MYO18B: variants seen among roughly 807,000 people sequenced by gnomAD.
The protein encoded by MYO18B is myosin XVIIIB, also known as unconventional myosin-XVIIIb.
Under a neutral mutation model 273.0 loss-of-function variants are expected in MYO18B, and 204 were observed. The ratio of observed to expected loss-of-function variants is 0.75; its 90% CI spans 0.67 to 0.84. The LOEUF (loss-of-function observed/expected upper bound fraction) is 0.84. Among genes scored for constraint, MYO18B ranks in the 40% least tolerant of loss-of-function variants. The pLI is 0.00. For missense variants in MYO18B, 3,212 were observed against 3,287.6 expected (o/e 0.98, Z 0.56); for synonymous variants, 1,330 against 1,305.7 (o/e 1.02, Z -0.40).
At position 25,780,623 on chromosome 22, in the gene MYO18B, A is replaced by G. The variant is rs563118901; in HGVS notation, c.2211+425A>G. Among the ~76,000 whole-genome samples, 908 of 143,548 alleles carry G rather than the reference A, an allele frequency of 6.3e-3. 13 individuals carry two copies. Among genetic ancestry groups the G allele is most frequent in the African/African-American group, 0.019 (733 of 38,450 alleles). The allele number at this position is 143,548 out of a possible 152,430, so 94.2% of individuals were successfully genotyped here. The stretch of plus-strand genomic sequence containing the variant: ...AAAAAAAAAAAAAAAAAAAAAAAAA[A>G]AAAGAAAGAAAGAAAATAGTAATAA... On this transcript the variant is annotated intron_variant, in intron 9 of 43. Coordinates refer to ENST00000335473, the MANE Select transcript of MYO18B (RefSeq NM_032608.7).
chr22:26,010,095 C>A (rs565113115), intron 42 of MYO18B, among the ~76,000 whole-genome samples: 27 of 152,030 alleles, frequency 1.8e-4, no homozygotes, highest in African/African-American at 6.5e-4. Context: ...GGTTATCATT[C>A]CCCTCTCTCA....
At chr22:25,987,942 T>A (rs1460543674) in intron 39 of MYO18B, among the ~76,000 whole-genome samples, 2 of 152,254 alleles carry the variant, frequency 1.3e-5, no homozygotes, top group East Asian at 3.9e-4. Context: ...ATCCTAATTA[T>A]CCCCCACCTC....
At chr22:25,828,321 G>A (rs1258624482) in intron 14 of MYO18B, among the ~76,000 whole-genome samples, 2 of 152,304 alleles carry the variant, frequency 1.3e-5, no homozygotes, top group East Asian at 3.9e-4. Context: ...ATTTTGATGT[G>A]AATAATCCCT....
rs60707981 is a variant in MYO18B, at chr22:25,815,874, G to A, written c.2522-7631G>A. On this transcript the variant is annotated intron_variant, in intron 12 of 43. Transcript: ENST00000335473. The stretch of plus-strand genomic sequence containing the variant: ...CCCAAACACCTGCTCATAGTCCCCA[G>A]AACACTGGGAATGGTTTGTGTGCTG... Among the ~76,000 whole-genome samples, 16 of 152,330 alleles carry A rather than the reference G, an allele frequency of 1.1e-4. No homozygotes were observed. In the East Asian group the frequency reaches 2.9e-3, roughly 28 times the overall value.
intron 10 of MYO18B, among the ~76,000 whole-genome samples, chr22:25,785,167 C>G (rs1209472853): frequency 6.6e-6 from 1 of 152,192 alleles, no homozygotes. Context: ...GGGTTAGTCC[C>G]TGCTCTCCTG....
chr22:25,897,988 G>C (rs2091847500), intron 28 of MYO18B: 1 of 243,772 alleles, frequency 4.1e-6, no homozygotes, highest in East Asian at 9.2e-5. Flanking sequence ...TGAGTTATCC[G>C]GTGGCTCAGG....
At chr22:25,801,568 GGC>G (rs2088196166) in intron 12 of MYO18B, among the ~76,000 whole-genome samples, 1 of 152,204 alleles carries the variant, frequency 6.6e-6, no homozygotes, top group African/African-American at 2.4e-5. Context: ...CTTGGCTCCT[GGC>G]GGGGTGTTTC....
intron 33 of MYO18B, among the ~76,000 whole-genome samples, chr22:25,913,657 C>T (rs529145069): frequency 4.6e-5 from 7 of 152,280 alleles, no homozygotes; most frequent in Non-Finnish European, 8.8e-5. Flanking sequence ...CGTGAGCCAT[C>T]GTGCCTGGCC....
At position 25,947,942 on chromosome 22, in the gene MYO18B, T is replaced by G. The variant is rs544160073; in HGVS notation, c.5748+114T>G. ...CCCTGGTCTTAACATCTTGGAGGGA[T>G]AAGTGCACAGAGATAGTTAGGAATT... On this transcript the variant is annotated intron_variant, in intron 36 of 43. Transcript: ENST00000335473. 99 of 734,212 alleles carry G rather than the reference T, an allele frequency of 1.3e-4. No homozygotes were observed. The African/African-American group carries it at 1.6e-3, about 12-fold the overall frequency. 45.5% of individuals were successfully genotyped at this position (734,212 alleles called of 1,614,324 possible).
the MYO18B span, among the ~76,000 whole-genome samples, chr22:26,042,020 T>C: frequency 2.0e-5 from 3 of 152,162 alleles, no homozygotes; most frequent in African/African-American, 7.2e-5. Flanking sequence ...TCATCACGGC[T>C]CCACCCTAAG....
Position 25,770,928 on chromosome 22 carries a change from CTT to C in MYO18B, c.1638_1639del (p.Trp547AspfsTer2). 1 of 1,552,264 alleles carries C rather than the reference CTT, an allele frequency of 6.4e-7. No individual in the cohort carries two copies. Among genetic ancestry groups the C allele is most frequent in the Non-Finnish European group, 8.7e-7 (1 of 1,147,222 alleles). ...AGACCTGCCAGCAGGAAGGGTGAGA[CTT>C]TGGATTGATGCTGACAAAACCATCA... is the stretch of plus-strand genomic sequence containing the variant. The part of the protein sequence containing the change: ...TADLPAGRVR[L>X]WIDADKTITE... On this transcript the variant is annotated frameshift_variant, in exon 6 of 44. Coordinates refer to ENST00000335473, the MANE Select transcript of MYO18B (RefSeq NM_032608.7). LOFTEE classifies it high-confidence loss of function.
chr22:25,755,458 G>C (rs573109488), intron 1 of MYO18B, among the ~76,000 whole-genome samples: 1 of 152,032 alleles, frequency 6.6e-6, no homozygotes, highest in African/African-American at 2.4e-5. Context: ...CGCCTGCCTC[G>C]GCCTCCCAAA....
At chr22:25,933,373 G>A (rs538386089) in intron 34 of MYO18B, among the ~76,000 whole-genome samples, 1 of 152,270 alleles carries the variant, frequency 6.6e-6, no homozygotes, top group East Asian at 1.9e-4. Flanking sequence ...TTGCAGTAAA[G>A]CCAGTTCTCA....
At chr22:25,893,906 C>T (rs1244863158) in intron 27 of MYO18B, among the ~76,000 whole-genome samples, 1 of 151,804 alleles carries the variant, frequency 6.6e-6, no homozygotes, top group Non-Finnish European at 1.5e-5. Flanking sequence ...CACCCATGCA[C>T]CCACTTCTCT....
At chr22:25,778,087 C>G (rs1415341667) in intron 8 of MYO18B, among the ~76,000 whole-genome samples, 1 of 152,174 alleles carries the variant, frequency 6.6e-6, no homozygotes, top group African/African-American at 2.4e-5. Context: ...TAGACGTACA[C>G]AAATCTAGGA....
In MYO18B at chr22:25,992,604, G is replaced by GT. The variant is rs375304827; in HGVS notation, c.6287+113dup. ...CACATTCACTGGGAAACCCAAAGAT[G>GT]TTCGGGGGCTGGAGGCACCCCTCGT... On this transcript the variant is annotated intron_variant, in intron 40 of 43. Transcript: ENST00000335473. The GT allele has an allele frequency of 1.5e-4, 216 of 1,435,426 alleles. 3 individuals are homozygous for GT. The African/African-American group carries it at 2.8e-3, about 19-fold the overall frequency. 88.9% of individuals were successfully genotyped at this position (1,435,426 alleles called of 1,614,324 possible). A position where few individuals can be genotyped will look rare whatever the true frequency, so the allele number is the denominator to read the frequency against.
intron 12 of MYO18B, among the ~76,000 whole-genome samples, chr22:25,817,302 CTCTT>C (rs1361116163): frequency 2.9e-4 from 44 of 149,696 alleles, no homozygotes; most frequent in African/African-American, 9.8e-4. Context: ...CTCTTTCTCT[CTCTT>C]TCTTTCCCTC....
In MYO18B at chr22:25,963,178, T is replaced by TCTCTCTCACACACA. The variant is rs774304270; in HGVS notation, c.6156+7815_6156+7816insTCTCTCACACACAC. ...TCTTTCTCCTCTCTCTCTCTCTCTC[T>TCTCTCTCACACACA]CACACACACACACACACACACACAC... On this transcript the variant is annotated intron_variant, in intron 39 of 43. Transcript: ENST00000335473. Among the ~76,000 whole-genome samples the TCTCTCTCACACACA allele has an allele frequency of 4.3e-3, 616 of 144,152 alleles. 5 individuals carry two copies. Among genetic ancestry groups the TCTCTCTCACACACA allele is most frequent in the African/African-American group, 0.015 (572 of 38,500 alleles). 94.6% of individuals were successfully genotyped at this position (144,152 alleles called of 152,430 possible).
intron 8 of MYO18B, among the ~76,000 whole-genome samples, chr22:25,778,978 T>C (rs1044495836): frequency 1.3e-5 from 2 of 152,180 alleles, no homozygotes; most frequent in African/African-American, 4.8e-5. Context: ...ATTGTGGCAG[T>C]GTTCTCAGCT....
Sources: allele counts gnomAD v4.1 joint callset (sites outside exome capture counted in the v4.1 genomes callset), GRCh38; gene constraint gnomAD v4.1.1; transcripts MANE v1.5; gene names NCBI Gene and HGNC (gene_info 2026-07-23, HGNC 2026-07-21).